Variants in ABCC1 observed in about 807,000 individuals in gnomAD.
ABCC1 encodes ATP binding cassette subfamily C member 1 (ABCC1 blood group), also known as multidrug resistance-associated protein 1.
In ABCC1, 83 loss-of-function variants were observed where a neutral mutation model predicts 172.9. That is an observed-to-expected ratio of 0.48 (90% CI 0.40 to 0.58). ABCC1 has a LOEUF of 0.58. Ranked by LOEUF, ABCC1 falls within the 20% of genes least tolerant of loss-of-function variation. The pLI, the probability that ABCC1 is intolerant of heterozygous loss-of-function variation, is 0.00. For synonymous variants in ABCC1, 937 were observed against 825.2 expected, an observed-to-expected ratio of 1.14 and a Z score of -2.32; for missense variants, 1,817 against 2,002.7, an observed-to-expected ratio of 0.91 and a Z score of 1.77.
intron 14 of ABCC1, among the ~76,000 whole-genome samples, chr16:16,073,626 G>T (rs185866528): frequency 1.1e-3 from 161 of 152,294 alleles, no homozygotes; most frequent in Non-Finnish European, 1.9e-3. Context: ...AGGCATGGTG[G>T]TGCACCTGTA....
rs1175319127 is a variant in ABCC1, at chr16:15,976,103, TA to T, written c.48+26308del. On this transcript the variant is annotated intron_variant, in intron 1 of 30. Coordinates refer to ENST00000399410, the MANE Select transcript of ABCC1 (RefSeq NM_004996.4). ...CAAAATGGTGAAATCCCGTCTCTAC[TA>T]AAATATAAAATCAATCAGGCGTGGT... Among the ~76,000 whole-genome samples the T allele has an allele frequency of 2.0e-5, 3 of 151,850 alleles. 1 individual carries two copies. Among genetic ancestry groups the T allele is most frequent in the African/African-American group, 7.3e-5 (3 of 41,376 alleles).
intron 26 of ABCC1, among the ~76,000 whole-genome samples, chr16:16,130,402 A>G (rs1266202508): frequency 6.6e-6 from 1 of 152,202 alleles, no homozygotes; most frequent in Non-Finnish European, 1.5e-5. Flanking sequence ...ACACTGAAAC[A>G]TACTTCAATA....
intron 1 of ABCC1, among the ~76,000 whole-genome samples, chr16:15,998,029 C>G (rs1280165447): frequency 1.3e-5 from 2 of 151,620 alleles, no homozygotes; most frequent in East Asian, 3.9e-4. Context: ...ACTATGTTGG[C>G]CAGGCTGGTC....
rs2044770400 is a variant in ABCC1, at chr16:16,114,682, C to T, written c.3080-84C>T. 5 of 1,350,710 alleles carry T rather than the reference C, an allele frequency of 3.7e-6. No individual in the cohort carries two copies. The East Asian group carries it at 1.2e-4, about 33-fold the overall frequency. The allele number at this position is 1,350,710 out of a possible 1,614,324, so 83.7% of individuals were successfully genotyped here. ...ATTAGAAGTTGGGAGTCCAGGCCTG[C>T]CTCGTCCACATGGCCACTCCTCCCT... On this transcript the variant is annotated intron_variant, in intron 22 of 30. Coordinates refer to ENST00000399410, the MANE Select transcript of ABCC1 (RefSeq NM_004996.4).
intron 19 of ABCC1, chr16:16,095,288 T>G (rs2051426097): frequency 6.6e-6 from 1 of 152,260 alleles, no homozygotes; most frequent in African/African-American, 2.4e-5. Flanking sequence ...CCTTCATACC[T>G]GGAAGGTAAA....
chr16:16,007,136 G>A (rs2047570573), intron 1 of ABCC1, among the ~76,000 whole-genome samples: 1 of 151,882 alleles, frequency 6.6e-6, no homozygotes, highest in South Asian at 2.1e-4. Flanking sequence ...CTTGCCACAG[G>A]TTCTGGGGAC....
intron 14 of ABCC1, among the ~76,000 whole-genome samples, chr16:16,072,950 G>A (rs2050407293): frequency 6.6e-6 from 1 of 151,318 alleles, no homozygotes; most frequent in Non-Finnish European, 1.5e-5. Flanking sequence ...GCTGAGGCAG[G>A]AGAATCACTT....
At chr16:15,978,712 A>G (rs2151572941) in intron 1 of ABCC1, among the ~76,000 whole-genome samples, 1 of 152,286 alleles carries the variant, frequency 6.6e-6, no homozygotes, top group African/African-American at 2.4e-5. Context: ...TACTGGTGGC[A>G]GGAGTGGGAC....
At chr16:15,986,065 GC>G (rs1433749118) in intron 1 of ABCC1, among the ~76,000 whole-genome samples, 1 of 151,870 alleles carries the variant, frequency 6.6e-6, no homozygotes, top group Non-Finnish European at 1.5e-5. Flanking sequence ...TTCCTGAGTA[GC>G]TGGGATTACA....
chr16:16,131,672 C>A, intron 26 of ABCC1, 117 bp from the exon 27 acceptor site: 1 of 1,195,146 alleles, frequency 8.4e-7, no homozygotes, highest in Non-Finnish European at 1.2e-6. Flanking sequence ...CCCCCCAGTG[C>A]TGAGGCCTGG....
chr16:15,975,822 C>T (rs772170773), intron 1 of ABCC1, among the ~76,000 whole-genome samples: 8 of 152,008 alleles, frequency 5.3e-5, no homozygotes, highest in Non-Finnish European at 1.0e-4. Flanking sequence ...TCCCAAGGTG[C>T]TGGGATTACA....
chr16:15,965,372 A>G (rs2046220644), intron 1 of ABCC1, among the ~76,000 whole-genome samples: 1 of 151,804 alleles, frequency 6.6e-6, no homozygotes, highest in Admixed American at 6.6e-5. Flanking sequence ...GCTCACTGCA[A>G]GCTCCGCCTC....
chr16:16,136,212 C>G (rs2238474), intron 28 of ABCC1, among the ~76,000 whole-genome samples: 32,901 of 151,852 alleles, frequency 0.22, 4,045 homozygotes, highest in South Asian at 0.45. Context: ...TTACTAGAGA[C>G]AGGGTGTTGC....
intron 1 of ABCC1, among the ~76,000 whole-genome samples, chr16:15,991,516 G>A (rs1160551552): frequency 6.6e-6 from 1 of 152,068 alleles, no homozygotes; most frequent in Non-Finnish European, 1.5e-5. Flanking sequence ...GGGGCTTCAG[G>A]ACAGAGCTCA....
intron 19 of ABCC1, among the ~76,000 whole-genome samples, chr16:16,092,055 T>C (rs1033822698): frequency 1.3e-5 from 2 of 152,232 alleles, no homozygotes; most frequent in African/African-American, 4.8e-5. Context: ...CTGGCCAACA[T>C]GATGAAACCC....
Position 16,122,088 on chromosome 16 carries a change from C to T in ABCC1, c.3504C>T (p.Phe1168=), listed in dbSNP as rs372721973. The change falls in exon 24 of 31, where the codon TTC becomes TTT. Residue 1168 remains phenylalanine, a synonymous_variant. Transcript: ENST00000399410. ...TGGGGGTCAGCGTCATTCGAGCCTT[C>T]GAGGAGCAGGAGCGCTTCATCCACC... ...TLLGVSVIRA[F]EEQERFIHQS... 3.6e-5 allele frequency: 58 copies of T among 1,614,038 alleles called. No homozygotes were observed. The highest frequency in any genetic ancestry group is 9.3e-5 in the African/African-American group (7 of 74,906).
chr16:16,017,706 G>A (rs1050892539), intron 5 of ABCC1, among the ~76,000 whole-genome samples: 6 of 152,074 alleles, frequency 3.9e-5, no homozygotes, highest in Non-Finnish European at 8.8e-5. Context: ...ACCACGCCTC[G>A]CCTATTCTTT....
chr16:16,066,480 C>T (rs1237750212), intron 12 of ABCC1, among the ~76,000 whole-genome samples: 1 of 152,048 alleles, frequency 6.6e-6, no homozygotes, highest in Non-Finnish European at 1.5e-5. Flanking sequence ...CCCGCCTGGC[C>T]ATCTGACTGG....
chr16:16,011,434 G>T (rs190317446), intron 3 of ABCC1, among the ~76,000 whole-genome samples: 43 of 152,118 alleles, frequency 2.8e-4, no homozygotes, highest in African/African-American at 9.9e-4. Flanking sequence ...ACAACGTGGA[G>T]CCAGGTTGCC....
Sources: gnomAD v4.1 joint callset for allele counts (sites outside exome capture counted in the v4.1 genomes callset) on GRCh38, gnomAD v4.1.1 for gene constraint, MANE v1.5 for transcripts, NCBI Gene and HGNC (gene_info 2026-07-23, HGNC 2026-07-21) for gene names.